Variants in RALGAPA2 observed in about 807,000 individuals in gnomAD.
The protein encoded by RALGAPA2 is Ral GTPase activating protein catalytic subunit alpha 2.
In RALGAPA2, 139 loss-of-function variants were observed where a neutral mutation model predicts 230.4. The observed-to-expected ratio is 0.60, with a 90% confidence interval of 0.53 to 0.69. RALGAPA2 has a LOEUF of 0.69. RALGAPA2 is among the 30% of genes least tolerant of loss of function. The pLI is 0.00. For synonymous variants in RALGAPA2, 847 were observed against 837.8 expected, an observed-to-expected ratio of 1.01 and a Z score of -0.19; for missense variants, 2,163 against 2,276.0, an observed-to-expected ratio of 0.95 and a Z score of 1.01.
chr20:20,669,172 A>T lies in RALGAPA2; in HGVS notation c.270+7064T>A, dbSNP rs984885673. Reference sequence around the variant, plus strand: ...AAGCCTCTTGTGTCGATGTATTTTAATTGGAGTGTGGGAGGGTGAGGAAAT... The same window carrying T: ...AAGCCTCTTGTGTCGATGTATTTTATTTGGAGTGTGGGAGGGTGAGGAAAT... On this transcript the variant is annotated intron_variant, in intron 3 of 39. Coordinates refer to ENST00000202677, the MANE Select transcript of RALGAPA2 (RefSeq NM_020343.4). Among the ~76,000 whole-genome samples the T allele has an allele frequency of 2.6e-5, 4 of 152,192 alleles. No homozygotes were observed. The South Asian group carries it at 8.3e-4, about 31-fold the overall frequency.
intron 1 of RALGAPA2, among the ~76,000 whole-genome samples, chr20:20,709,085 G>A (rs6137109): frequency 0.016 from 2,496 of 152,146 alleles, 93 homozygotes; most frequent in East Asian, 0.15. Context: ...TTGGGAGGCC[G>A]AGTCGGGCAG....
chr20:20,393,305 G>T (rs938723607), intron 39 of RALGAPA2, 52 bp from the exon 40 acceptor site: 4 of 1,212,442 alleles, frequency 3.3e-6, no homozygotes, highest in African/African-American at 3.1e-5. Context: ...GCGGCTCTAC[G>T]GCCACACATT....
chr20:20,435,410 A>G (rs73287224), intron 37 of RALGAPA2, among the ~76,000 whole-genome samples: 12 of 152,264 alleles, frequency 7.9e-5, no homozygotes, highest in Non-Finnish European at 1.6e-4. Context: ...GCATAACAGC[A>G]TCTACAGTTA....
At chr20:20,494,555 C>G (rs546178076) in intron 36 of RALGAPA2, among the ~76,000 whole-genome samples, 2 of 152,366 alleles carry the variant, frequency 1.3e-5, no homozygotes, top group Middle Eastern at 3.4e-3. Flanking sequence ...TACCAATTGA[C>G]ATGGCTGAAT....
At chr20:20,641,689 T>G (rs1409412702) in intron 5 of RALGAPA2, among the ~76,000 whole-genome samples, 2 of 146,816 alleles carry the variant, frequency 1.4e-5, no homozygotes, top group African/African-American at 2.5e-5. Flanking sequence ...GCAAAAGAGG[T>G]TGAAAAAATG....
At chr20:20,559,868 C>T (rs2064204226) in intron 23 of RALGAPA2, among the ~76,000 whole-genome samples, 1 of 152,146 alleles carries the variant, frequency 6.6e-6, no homozygotes, top group Non-Finnish European at 1.5e-5. Context: ...TTGTACTCTT[C>T]AAAAGGGCAA....
At chr20:20,593,233 CTGTT>C (rs1484804020) in intron 16 of RALGAPA2, among the ~76,000 whole-genome samples, 3 of 152,246 alleles carry the variant, frequency 2.0e-5, no homozygotes, top group African/African-American at 7.2e-5. Flanking sequence ...TGGTGGGAAA[CTGTT>C]TGGAGTACAA....
intron 15 of RALGAPA2, among the ~76,000 whole-genome samples, chr20:20,604,212 G>A (rs2065748859): frequency 6.6e-6 from 1 of 152,184 alleles, no homozygotes; most frequent in Non-Finnish European, 1.5e-5. Flanking sequence ...TCTATGAGCT[G>A]CCTCAAATCT....
chr20:20,489,271 T>C (rs1381806096), intron 36 of RALGAPA2, among the ~76,000 whole-genome samples: 1 of 152,146 alleles, frequency 6.6e-6, no homozygotes, highest in Admixed American at 6.5e-5. Context: ...TAGTGATGAC[T>C]AATAATGAGC....
At chr20:20,592,253 T>C (rs777234612) in intron 16 of RALGAPA2, among the ~76,000 whole-genome samples, 3 of 152,202 alleles carry the variant, frequency 2.0e-5, no homozygotes, top group Non-Finnish European at 4.4e-5. Context: ...AGCCCTCTCT[T>C]GTTAGAGATT....
At chr20:20,649,154 G>T (rs6075686) in intron 4 of RALGAPA2, among the ~76,000 whole-genome samples, 11,060 of 152,202 alleles carry the variant, frequency 0.073, 532 homozygotes, top group East Asian at 0.16. Context: ...CATGGAGGCA[G>T]GTGGGGTCCC....
intron 23 of RALGAPA2, among the ~76,000 whole-genome samples, chr20:20,550,805 A>C (rs1031573020): frequency 1.3e-5 from 2 of 152,250 alleles, no homozygotes; most frequent in African/African-American, 4.8e-5. Context: ...TAAAATGAAA[A>C]GAGCCATAAA....
chr20:20,485,233 G>C (rs1354323317), intron 36 of RALGAPA2, among the ~76,000 whole-genome samples: 1 of 152,092 alleles, frequency 6.6e-6, no homozygotes, highest in Non-Finnish European at 1.5e-5. Context: ...GCTATGTAAT[G>C]TCCCCTGTAC....
intron 3 of RALGAPA2, among the ~76,000 whole-genome samples, chr20:20,671,638 T>G (rs1362595313): frequency 6.6e-6 from 1 of 152,216 alleles, no homozygotes; most frequent in Non-Finnish European, 1.5e-5. Context: ...ATATTTACCA[T>G]GCAAAATGAA....
Position 20,605,320 on chromosome 20 carries a change from C to T in RALGAPA2, c.1893G>A (p.Thr631=), listed in dbSNP as rs775228694. Reference sequence around the variant, plus strand: ...ACTCGTTTATAAGTTCCTCCCATTCCGTGAGGGAGGACAGCACACCAAGAA... The same window carrying T: ...ACTCGTTTATAAGTTCCTCCCATTCTGTGAGGGAGGACAGCACACCAAGAA... ...DDFLGVLSSL[T]EWEELINEWA... Residue 631 remains threonine (T), a synonymous_variant, in exon 15 of 40, where the codon ACG becomes ACA. Transcript: ENST00000202677. The T allele has an allele frequency of 1.1e-5, 17 of 1,613,358 alleles. No individual in the cohort carries two copies. The highest frequency in any genetic ancestry group is 1.7e-5 in the Admixed American group (1 of 59,988).
intron 14 of RALGAPA2, among the ~76,000 whole-genome samples, chr20:20,610,613 C>A (rs903831952): frequency 6.6e-6 from 1 of 152,172 alleles, no homozygotes; most frequent in Non-Finnish European, 1.5e-5. Flanking sequence ...TTAAACCTCG[C>A]CCACCATGTA....
intron 8 of RALGAPA2, among the ~76,000 whole-genome samples, chr20:20,636,294 C>A (rs61080650): frequency 0.018 from 2,780 of 152,164 alleles, 92 homozygotes; most frequent in African/African-American, 0.064. Context: ...AACTCTCTAT[C>A]TTAATAATTT....
intron 1 of RALGAPA2, among the ~76,000 whole-genome samples, chr20:20,707,922 A>AT: frequency 6.6e-6 from 1 of 152,158 alleles, no homozygotes; most frequent in Non-Finnish European, 1.5e-5. Context: ...CAGCTCTTCC[A>AT]TCTTCCCCTG....
At chr20:20,530,574 A>G (rs1255718294) in intron 27 of RALGAPA2, among the ~76,000 whole-genome samples, 1 of 152,204 alleles carries the variant, frequency 6.6e-6, no homozygotes. Context: ...GGGCAGAAGC[A>G]GATAATGCAC....
Sources: allele counts gnomAD v4.1 joint callset (sites outside exome capture counted in the v4.1 genomes callset), GRCh38; gene constraint gnomAD v4.1.1; transcripts MANE v1.5; gene names NCBI Gene and HGNC (gene_info 2026-07-23, HGNC 2026-07-21).